The following GDF10 variants were observed in gnomAD, a reference collection of about 807,000 sequenced individuals.
The protein encoded by GDF10 is growth/differentiation factor 10.
In GDF10, 23 loss-of-function variants were observed where a neutral mutation model predicts 32.1. The ratio of observed to expected loss-of-function variants is 0.72; its 90% CI spans 0.52 to 1.02. The LOEUF (loss-of-function observed/expected upper bound fraction) is 1.02, where lower values mean the gene tolerates loss of function less well. Ranked by LOEUF, GDF10 falls within the 50% of genes least tolerant of loss-of-function variation. The probability of loss-of-function intolerance (pLI) is 0.00; values close to 1 mark genes in which losing one functional copy is unlikely to be tolerated. For missense variants in GDF10, 764 were observed against 673.9 expected, an observed-to-expected ratio of 1.13 and a Z score of -1.48; for synonymous variants, 328 against 303.1, an observed-to-expected ratio of 1.08 and a Z score of -0.85.
intron 1 of GDF10, among the ~76,000 whole-genome samples, chr10:47,301,768 T>G (rs1156829970): frequency 1.3e-5 from 2 of 152,174 alleles, no homozygotes; most frequent in Admixed American, 6.5e-5. Context: ...TCATGGTGAT[T>G]ACTCCTGGTT....
rs782242626 is a variant in GDF10 at position 47,310,261 on chromosome 10, C to T, written c.785C>T (p.Thr262Met). 5 of 1,609,064 alleles carry T rather than the reference C, an allele frequency of 3.1e-6. No individual in the cohort carries two copies. Among genetic ancestry groups the T allele is most frequent in the Admixed American group, 3.4e-5 (2 of 59,506 alleles). Residue 262 changes from threonine (T) to methionine (M), a missense_variant, in exon 2 of 3, where the codon ACG (threonine) becomes ATG (methionine). By Grantham distance (81) the Thr-to-Met change is moderately conservative. Coordinates refer to ENST00000580279, the MANE Select transcript of GDF10 (RefSeq NM_004962.5). ...AISEPNSVAVTLQRYDPFPAG... is the reference protein window; with the variant it reads ...AISEPNSVAVMLQRYDPFPAG... ...TCGGAGCCCAACAGCGTGGCAGTGA[C>T]GCTGCAGAGATACGACCCCTTCCCT...
At chr10:47,310,803 G>A in intron 2 of GDF10, 82 bp downstream of exon 2, 2 of 940,674 alleles carry the variant, frequency 2.1e-6, no homozygotes. Context: ...CAGGACTTCT[G>A]TTTCCCCATC....
chr10:47,305,487 C>T (rs533156167), intron 1 of GDF10, among the ~76,000 whole-genome samples: 1 of 152,338 alleles, frequency 6.6e-6, no homozygotes, highest in Non-Finnish European at 1.5e-5. Flanking sequence ...GTGTTAGTTC[C>T]CTGCTCTTCT....
chr10:47,300,910 A>C lies in GDF10; in HGVS notation c.259A>C (p.Ser87Arg). 1 of 1,564,046 alleles carries C rather than the reference A, an allele frequency of 6.4e-7. No individual in the cohort carries two copies. The highest frequency in any genetic ancestry group is 8.6e-7 in the Non-Finnish European group (1 of 1,162,158). The change falls in exon 1 of 3, where the codon AGC (serine) becomes CGC (arginine). Residue 87 changes from serine (S) to arginine (R), a missense_variant. Coordinates refer to ENST00000580279, the MANE Select transcript of GDF10 (RefSeq NM_004962.5). ...CATGCACAGGCTCTATGAGAAGTAC[A>C]GCCGGCAGGGCGCGCGGCCGGGAGG... ...VHMHRLYEKY[S>R]RQGARPGGGN...
rs1166379635 is a variant in GDF10 at position 47,301,120 on chromosome 10, A to T, written c.319+150A>T. ...TCACTAATGATTCACTGATCTCTCCATGCCAGGCCCTGAACCTCCAGTGGG... is the reference window on the plus strand; with the variant it reads ...TCACTAATGATTCACTGATCTCTCCTTGCCAGGCCCTGAACCTCCAGTGGG... On this transcript the variant is annotated intron_variant, in intron 1 of 2. Coordinates refer to ENST00000580279, the MANE Select transcript of GDF10 (RefSeq NM_004962.5). 1.1e-5 allele frequency: 7 copies of T among 617,594 alleles called. No individual in the cohort carries two copies. In the African/African-American group the frequency reaches 1.4e-4, roughly 12 times the overall value. 38.3% of individuals were successfully genotyped at this position (617,594 alleles called of 1,614,324 possible). A position where few individuals can be genotyped will look rare whatever the true frequency, so the allele number is the denominator to read the frequency against.
At chr10:47,311,685 C>T (rs1182890381) in intron 2 of GDF10, among the ~76,000 whole-genome samples, 2 of 152,198 alleles carry the variant, frequency 1.3e-5, no homozygotes, top group African/African-American at 4.8e-5. Context: ...AGCAAAGACC[C>T]AGGCAGATGC....
In GDF10 at chr10:47,309,839, C is replaced by T. The variant is rs542024503; in HGVS notation, c.363C>T (p.Ser121=). Residue 121 remains serine (S), a synonymous_variant, in exon 2 of 3, where the codon TCC becomes TCT. Transcript: ENST00000580279. ...CCGTGTATTTCTTCAACCTGACTTC[C>T]ATGCAAGACTCGGAAATGATCCTTA... is the stretch of plus-strand genomic sequence containing the variant. ...QKAVYFFNLT[S]MQDSEMILTA... is the part of the protein sequence containing the mutation. The T allele has an allele frequency of 6.6e-5, 107 of 1,612,714 alleles. 1 individual carries two copies. The South Asian group carries it at 1.1e-3, about 17-fold the overall frequency.
intron 1 of GDF10, among the ~76,000 whole-genome samples, chr10:47,307,104 C>G (rs1366879705): frequency 6.6e-6 from 1 of 152,038 alleles, no homozygotes; most frequent in Non-Finnish European, 1.5e-5. Context: ...TGTCTCCCCT[C>G]TAGGCTGAAC....
chr10:47,306,751 G>T, intron 1 of GDF10, among the ~76,000 whole-genome samples: 1 of 152,294 alleles, frequency 6.6e-6, no homozygotes, highest in Non-Finnish European at 1.5e-5. Context: ...TACCTGAAGA[G>T]GTTGAGTGGT....
intron 1 of GDF10, among the ~76,000 whole-genome samples, chr10:47,302,471 G>A (rs1278133722): frequency 6.6e-6 from 1 of 152,196 alleles, no homozygotes; most frequent in Non-Finnish European, 1.5e-5. Flanking sequence ...GGCCAGCAGG[G>A]TCACTGCTGC....
Position 47,310,111 on chromosome 10 carries a change from C to T in GDF10, c.635C>T (p.Ala212Val), listed in dbSNP as rs374968727. The change falls in exon 2 of 3, where the codon GCG becomes GTG. Residue 212 changes from alanine to valine, a missense_variant. Physicochemically the swap from Ala to Val is moderately conservative, Grantham distance 64. Coordinates refer to ENST00000580279, the MANE Select transcript of GDF10 (RefSeq NM_004962.5). ...QAKDISPIVK[A>V]ARRDGELLLS... is the part of the protein sequence containing the mutation. ...AAGGACATCTCCCCCATCGTCAAGG[C>T]GGCCCGCCGGGATGGCGAGCTGCTC... is the stretch of plus-strand genomic sequence containing the variant. 28 of 1,609,266 alleles carry T rather than the reference C, an allele frequency of 1.7e-5. No homozygotes were observed. Among genetic ancestry groups the T allele is most frequent in the Middle Eastern group, 1.7e-4 (1 of 6,054 alleles).
rs782022523 is a variant in GDF10, at chr10:47,300,980, G to C, written c.319+10G>C. ...TTCAGGGCCAGGCTGGGTAAGTAGA[G>C]GGTGCCCCAGGACCCCTTCTCCTCA... On this transcript the variant is annotated intron_variant, in intron 1 of 2. Transcript: ENST00000580279. 1.7e-5 allele frequency: 25 copies of C among 1,454,652 alleles called. No homozygotes were observed. In the African/African-American group the frequency reaches 2.9e-4, roughly 17 times the overall value. 90.1% of individuals were successfully genotyped at this position (1,454,652 alleles called of 1,614,324 possible).
rs144753250 is a variant in GDF10 at position 47,312,284 on chromosome 10, G to A, written c.1246-317G>A. Reference sequence around the variant, plus strand: ...GCTTCTGCCTGCTTCCTGGTGCTCCGCGGGGATGTGTGACACTCAGGCGCC... The same window carrying A: ...GCTTCTGCCTGCTTCCTGGTGCTCCACGGGGATGTGTGACACTCAGGCGCC... On this transcript the variant is annotated intron_variant, in intron 2 of 2. Coordinates refer to ENST00000580279, the MANE Select transcript of GDF10 (RefSeq NM_004962.5). Among the ~76,000 whole-genome samples the A allele has an allele frequency of 1.1e-3, 165 of 152,294 alleles. 2 individuals carry two copies. The East Asian group carries it at 0.027, about 25-fold the overall frequency.
rs1555206765 is a variant in GDF10 at position 47,300,788 on chromosome 10, C to T, written c.137C>T (p.Ala46Val). ...CCCGCCTGGTCCGCACTGCCCGCGG[C>T]CGCCGACGGCCTGCAGGGGGACAGG... ...RAPAWSALPAAADGLQGDRDL... is the reference protein window; with the variant it reads ...RAPAWSALPAVADGLQGDRDL... Residue 46 changes from alanine (A) to valine (V), a missense_variant, in exon 1 of 3, where the codon GCC becomes GTC. Ala to Val is a moderately conservative substitution (Grantham distance 64). Coordinates refer to ENST00000580279, the MANE Select transcript of GDF10 (RefSeq NM_004962.5). The T allele has an allele frequency of 6.4e-7, 1 of 1,566,220 alleles. No individual in the cohort carries two copies. Among genetic ancestry groups the T allele is most frequent in the Non-Finnish European group, 8.6e-7 (1 of 1,161,396 alleles).
chr10:47,301,097 A>C (rs868983089), intron 1 of GDF10, 127 bp downstream of exon 1: 42 of 648,154 alleles, frequency 6.5e-5, no homozygotes, highest in Admixed American at 5.0e-4. Flanking sequence ...TCATTCTTTC[A>C]CTAATGATTC....
At chr10:47,312,432 G>A (rs141045728) in intron 2 of GDF10, among the ~76,000 whole-genome samples, 169 bp from the exon 3 acceptor site, 6 of 152,218 alleles carry the variant, frequency 3.9e-5, no homozygotes, top group Non-Finnish European at 7.4e-5. Context: ...TAGAGGAACC[G>A]TGTGCCCCGC....
chr10:47,310,365 C>A lies in GDF10; in HGVS notation c.889C>A (p.Pro297Thr), dbSNP rs1441242095. The A allele has an allele frequency of 2.5e-6, 4 of 1,606,666 alleles. No homozygotes were observed. In the African/African-American group the frequency reaches 5.3e-5, roughly 21 times the overall value. The change falls in exon 2 of 3, where the codon CCC becomes ACC. Residue 297 changes from proline to threonine, a missense_variant. Physicochemically the swap from Pro to Thr is conservative, Grantham distance 38. Coordinates refer to ENST00000580279, the MANE Select transcript of GDF10 (RefSeq NM_004962.5). ...RVRRAAQATG[P>T]LQDNELPGLD... ...GCGCCGAGCCGCGCAGGCCACTGGGCCCCTCCAGGACAACGAGCTGCCGGG... is the reference window on the plus strand; with the variant it reads ...GCGCCGAGCCGCGCAGGCCACTGGGACCCTCCAGGACAACGAGCTGCCGGG...
chr10:47,300,993 C>T, intron 1 of GDF10, 23 bp downstream of exon 1: 1 of 1,402,000 alleles, frequency 7.1e-7, no homozygotes, highest in East Asian at 2.7e-5. Context: ...TGCCCCAGGA[C>T]CCCTTCTCCT....
At chr10:47,302,794 G>A (rs371931562) in intron 1 of GDF10, among the ~76,000 whole-genome samples, 16 of 152,340 alleles carry the variant, frequency 1.1e-4, no homozygotes, top group African/African-American at 3.8e-4. Context: ...GGGTCTGGGA[G>A]GGGTAGGGTG....
Sources: allele counts gnomAD v4.1 joint callset (sites outside exome capture counted in the v4.1 genomes callset), GRCh38; gene constraint gnomAD v4.1.1; transcripts MANE v1.5; gene names NCBI Gene and HGNC (gene_info 2026-07-23, HGNC 2026-07-21).